Variants in CADM2 observed in about 807,000 individuals in gnomAD.
The protein encoded by CADM2 is immunoglobulin superfamily member 4D.
A neutral mutation model predicts 49.8 loss-of-function variants in CADM2; 12 were observed. The ratio of observed to expected loss-of-function variants is 0.24; its 90% CI spans 0.15 to 0.39. CADM2 has a LOEUF of 0.39. Ranked by LOEUF, CADM2 falls within the 10% of genes least tolerant of loss-of-function variation. The pLI, the probability that CADM2 is intolerant of heterozygous loss-of-function variation, is 1.00. For missense variants in CADM2, 378 were observed against 492.3 expected (o/e 0.77, Z 2.20); for synonymous variants, 214 against 175.4 (o/e 1.22, Z -1.74).
In CADM2 at chr3:85,696,413, G is replaced by A. The variant is rs189967861; in HGVS notation, c.62-30109G>A. ...TTATGCTTCCAGGTCTTACATTTAA[G>A]TCTTTAATCCACCTTGAGTTAATTT... On this transcript the variant is annotated intron_variant, in intron 1 of 9. Coordinates refer to ENST00000383699, the MANE Select transcript of CADM2 (RefSeq NM_001167675.2). 2.2e-3 allele frequency among the ~76,000 whole-genome samples: 339 copies of A among 152,074 alleles called. 1 individual carries two copies. Among genetic ancestry groups the A allele is most frequent in the African/African-American group, 7.8e-3 (325 of 41,508 alleles).
At chr3:85,400,363 G>A (rs1349721390) in intron 1 of CADM2, among the ~76,000 whole-genome samples, 2 of 152,172 alleles carry the variant, frequency 1.3e-5, no homozygotes, top group African/African-American at 4.8e-5. Flanking sequence ...GTATTTTACT[G>A]AGGATTTTTG....
intron 1 of CADM2, among the ~76,000 whole-genome samples, chr3:85,125,588 G>A (rs1436793509): frequency 6.6e-6 from 1 of 152,094 alleles, no homozygotes; most frequent in Non-Finnish European, 1.5e-5. Flanking sequence ...TGGAAATCCT[G>A]AGCTCAAGGC....
At chr3:85,544,596 TAAAA>T (rs765891086) in intron 1 of CADM2, among the ~76,000 whole-genome samples, 1 of 150,834 alleles carries the variant, frequency 6.6e-6, no homozygotes, top group Non-Finnish European at 1.5e-5. Context: ...AAATAAAAAA[TAAAA>T]AAAAGAGGAA....
At chr3:85,623,680 A>G (rs1009320711) in intron 1 of CADM2, among the ~76,000 whole-genome samples, 1 of 152,212 alleles carries the variant, frequency 6.6e-6, no homozygotes, top group Non-Finnish European at 1.5e-5. Flanking sequence ...TCCTTAAACT[A>G]TAGAGAAGTT....
At chr3:85,375,003 G>A (rs932522123) in intron 1 of CADM2, among the ~76,000 whole-genome samples, 7 of 151,992 alleles carry the variant, frequency 4.6e-5, no homozygotes, top group Non-Finnish European at 4.4e-5. Flanking sequence ...AAAAGAAAAA[G>A]AAAATCACAC....
intron 1 of CADM2, among the ~76,000 whole-genome samples, chr3:85,327,043 T>A (rs993765213): frequency 6.6e-6 from 1 of 151,976 alleles, no homozygotes; most frequent in African/African-American, 2.4e-5. Context: ...GTGTCTTTTT[T>A]TTTCTTTTTT....
chr3:85,484,656 T>C (rs1217605900), intron 1 of CADM2, among the ~76,000 whole-genome samples: 4 of 151,962 alleles, frequency 2.6e-5, no homozygotes, highest in African/African-American at 9.7e-5. Context: ...TTTAAAACCG[T>C]ATTCCTGCTT....
chr3:85,798,372 G>T (rs940939456), intron 2 of CADM2, among the ~76,000 whole-genome samples: 11 of 152,108 alleles, frequency 7.2e-5, no homozygotes, highest in African/African-American at 2.2e-4. Flanking sequence ...TAACATCTAG[G>T]TTTTCATCTA....
chr3:85,732,958 C>T (rs1373321938), intron 2 of CADM2, among the ~76,000 whole-genome samples: 2 of 152,140 alleles, frequency 1.3e-5, no homozygotes, highest in African/African-American at 4.8e-5. Flanking sequence ...CATTTAAATG[C>T]ATTTACATAT....
At chr3:85,256,304 G>C (rs1363129428) in intron 1 of CADM2, among the ~76,000 whole-genome samples, 2 of 151,972 alleles carry the variant, frequency 1.3e-5, no homozygotes, top group Admixed American at 1.3e-4. Flanking sequence ...TCCCAACAAG[G>C]ATGTGTCATT....
intron 1 of CADM2, among the ~76,000 whole-genome samples, chr3:85,622,759 C>T (rs9831610): frequency 0.44 from 66,516 of 152,008 alleles, 16,217 homozygotes; most frequent in African/African-American, 0.66. Flanking sequence ...TTAAGAATTT[C>T]AACTTATTTG....
chr3:85,744,604 G>T (rs1383308287), intron 2 of CADM2, among the ~76,000 whole-genome samples: 2 of 152,192 alleles, frequency 1.3e-5, no homozygotes, highest in Non-Finnish European at 2.9e-5. Flanking sequence ...TGTTTGGACA[G>T]AATGAAGGTG....
At chr3:85,026,149 A>G (rs539523850) in intron 1 of CADM2, among the ~76,000 whole-genome samples, 35 of 152,276 alleles carry the variant, frequency 2.3e-4, no homozygotes, top group African/African-American at 7.9e-4. Flanking sequence ...AGCAATTTAC[A>G]TTATTCTTGA....
intron 1 of CADM2, among the ~76,000 whole-genome samples, chr3:85,365,693 A>T (rs535011479): frequency 9.1e-4 from 139 of 152,304 alleles, no homozygotes; most frequent in African/African-American, 3.2e-3. Context: ...ATGAAAAATT[A>T]TTTTAAAATG....
intron 1 of CADM2, among the ~76,000 whole-genome samples, chr3:85,099,076 A>G (rs2107540179): frequency 6.6e-6 from 1 of 152,318 alleles, no homozygotes; most frequent in South Asian, 2.1e-4. Context: ...TATAGAACAG[A>G]GAATGTATAC....
chr3:85,012,046 C>T (rs2034021830), intron 1 of CADM2, among the ~76,000 whole-genome samples: 1 of 150,806 alleles, frequency 6.6e-6, no homozygotes, highest in African/African-American at 2.4e-5. Context: ...AAGAGTTTAG[C>T]CATTGAGATA....
Position 85,833,476 on chromosome 3 carries a change from G to A in CADM2, c.238+31280G>A, listed in dbSNP as rs543592907. ...ATCTGATCCAGGGCTCTTTTTGGTT[G>A]GTAGGTTTTTCATTACTGATGCAAT... is the stretch of plus-strand genomic sequence containing the variant. On this transcript the variant is annotated intron_variant, in intron 3 of 9. Transcript: ENST00000383699. Among the ~76,000 whole-genome samples the A allele has an allele frequency of 5.9e-5, 9 of 151,674 alleles. 2 individuals carry two copies. Among genetic ancestry groups the A allele is most frequent in the African/African-American group, 2.2e-4 (9 of 41,430 alleles).
At chr3:85,994,431 A>G (rs1260674962) in intron 8 of CADM2, 1 of 152,142 alleles carries the variant, frequency 6.6e-6, no homozygotes, top group Non-Finnish European at 1.5e-5. Flanking sequence ...CTTTCTCTAT[A>G]TCAGCAATAA....
At chr3:85,031,336 A>G (rs1260184527) in intron 1 of CADM2, among the ~76,000 whole-genome samples, 1 of 152,196 alleles carries the variant, frequency 6.6e-6, no homozygotes, top group Non-Finnish European at 1.5e-5. Flanking sequence ...TGGAAGGTGA[A>G]TGTGGAGATG....
Sources: gnomAD v4.1 joint callset for allele counts (sites outside exome capture counted in the v4.1 genomes callset) on GRCh38, gnomAD v4.1.1 for gene constraint, MANE v1.5 for transcripts, NCBI Gene and HGNC (gene_info 2026-07-23, HGNC 2026-07-21) for gene names.